FBF1: variants seen among roughly 807,000 people sequenced by gnomAD.
FBF1 encodes the protein fas-binding factor 1.
FBF1 carries 119 observed loss-of-function variants against 147.2 expected under a neutral mutation model. The ratio of observed to expected loss-of-function variants is 0.81; its 90% CI spans 0.70 to 0.94. The LOEUF (loss-of-function observed/expected upper bound fraction) is 0.94, where lower values mean the gene tolerates loss of function less well. Ranked by LOEUF, FBF1 falls within the 40% of genes least tolerant of loss-of-function variation. The pLI, the probability that FBF1 is intolerant of heterozygous loss-of-function variation, is 0.00. For missense variants in FBF1, 1,449 were observed against 1,500.8 expected (o/e 0.97, Z 0.57); for synonymous variants, 601 against 609.0 (o/e 0.99, Z 0.19).
intron 3 of FBF1, among the ~76,000 whole-genome samples, chr17:75,936,083 C>T (rs771531269): frequency 7.9e-5 from 12 of 152,072 alleles, no homozygotes; most frequent in Non-Finnish European, 1.2e-4. Context: ...GAGGCCAAGG[C>T]GGGTGGATCA....
chr17:75,919,723 C>T lies in FBF1; in HGVS notation c.2083G>A (p.Ala695Thr), dbSNP rs2065511691. The T allele has an allele frequency of 6.2e-7, 1 of 1,612,910 alleles. No individual in the cohort carries two copies. Among genetic ancestry groups the T allele is most frequent in the Admixed American group, 1.7e-5 (1 of 59,958 alleles). Residue 695 changes from alanine to threonine, a missense_variant, in exon 20 of 30, where the codon GCG (alanine) becomes ACG (threonine). By Grantham distance (58) the Ala-to-Thr change is moderately conservative. Transcript: ENST00000636174. This position sits in a 1 kb window ranked among gnomAD's most constrained non-coding sequence, Gnocchi z 5.0. Reference protein sequence around the residue: ...ELTAQHQRRLAAIAQEKDQEM... With the variant: ...ELTAQHQRRLTAIAQEKDQEM... ...TGGTCCTTCTCCTGCGCTATGGCCG[C>T]CAAGCGCCGCTGGTGCTGGGCCGTA...
intron 3 of FBF1, among the ~76,000 whole-genome samples, chr17:75,935,974 G>C (rs1330237712): frequency 6.6e-6 from 1 of 150,690 alleles, no homozygotes; most frequent in Non-Finnish European, 1.5e-5. Flanking sequence ...TCAGGAGTTC[G>C]AGACCAGCCT....
chr17:75,938,235 A>C lies in FBF1; in HGVS notation c.-83-3T>G. 1.3e-6 allele frequency: 2 copies of C among 1,579,540 alleles called. No homozygotes were observed. Among genetic ancestry groups the C allele is most frequent in the Non-Finnish European group, 1.7e-6 (2 of 1,154,482 alleles). On this transcript the variant is annotated splice_polypyrimidine_tract_variant and splice_region_variant and intron_variant, in intron 1 of 29. Transcript: ENST00000636174. ...TGCCCACATCAGGCTCATACTCCCT[A>C]ATGAAGAAAATTAAAGTGGTTGCTT... is the stretch of plus-strand genomic sequence containing the variant.
In FBF1 at chr17:75,922,338, A is replaced by C. The variant is rs1461957160; in HGVS notation, c.1425-292T>G. Among the ~76,000 whole-genome samples, 1 of 152,178 alleles carries C rather than the reference A, an allele frequency of 6.6e-6. No homozygotes were observed. The highest frequency in any genetic ancestry group is 1.5e-5 in the Non-Finnish European group (1 of 68,026). ...AGACACTGGAGTCAAGTTCAAGTTCAGAGCCCTGTTCCAGTCCACTTAACT... is the reference window on the plus strand; with the variant it reads ...AGACACTGGAGTCAAGTTCAAGTTCCGAGCCCTGTTCCAGTCCACTTAACT... On this transcript the variant is annotated intron_variant, in intron 14 of 29. Transcript: ENST00000636174. This position sits in a 1 kb window ranked among gnomAD's most constrained non-coding sequence, Gnocchi z 5.0.
intron 15 of FBF1, 93 bp from the exon 16 acceptor site, chr17:75,921,653 G>A (rs1306607283): frequency 1.3e-5 from 11 of 836,018 alleles, no homozygotes; most frequent in Admixed American, 4.3e-5. Flanking sequence ...ACATGGGGAC[G>A]GGGCAGGGTG....
Position 75,919,897 on chromosome 17 carries a change from T to C in FBF1, c.1932-23A>G, listed in dbSNP as rs2065513457. 2 of 1,613,502 alleles carry C rather than the reference T, an allele frequency of 1.2e-6. No homozygotes were observed. Among genetic ancestry groups the C allele is most frequent in the Non-Finnish European group, 1.7e-6 (2 of 1,179,802 alleles). Reference sequence around the variant, plus strand: ...CTTCTGCCAACAGAACACCCAGCCATGGCGCAAGGAAGGCAGAGGGCTGCC... The same window carrying C: ...CTTCTGCCAACAGAACACCCAGCCACGGCGCAAGGAAGGCAGAGGGCTGCC... On this transcript the variant is annotated intron_variant, in intron 19 of 29. Coordinates refer to ENST00000636174, the MANE Select transcript of FBF1 (RefSeq NM_001319193.2). The surrounding 1 kb of genome is among the most constrained non-coding windows in gnomAD (Gnocchi z 5.0).
At position 75,928,099 on chromosome 17, in the gene FBF1, A is replaced by G. The variant is rs369109025; in HGVS notation, c.374T>C (p.Leu125Pro). The change falls in exon 8 of 30, where the codon CTG becomes CCG. Residue 125 changes from leucine to proline, a missense_variant. Transcript: ENST00000636174. The surrounding 1 kb of genome is among the most constrained non-coding windows in gnomAD (Gnocchi z 4.2). ...KAAKDPGKGE[L>P]PNHPKPAGGA... ...ACCTGCAGGCTTGGGGTGGTTGGGC[A>G]GCTCTCCTTTCCCAGGGTCCTTTGC... The G allele has an allele frequency of 1.6e-5, 26 of 1,613,454 alleles. No homozygotes were observed. The highest frequency in any genetic ancestry group is 2.0e-5 in the Non-Finnish European group (24 of 1,179,872).
rs754132187 is a variant in FBF1 at position 75,938,066 on chromosome 17, T to C, written c.3+81A>G. On this transcript the variant is annotated intron_variant, in intron 2 of 29. Coordinates refer to ENST00000636174, the MANE Select transcript of FBF1 (RefSeq NM_001319193.2). ...TCCTTGCCGCCCAGCCCCCAGAGTG[T>C]TGCATGCAGTCAAGATCTTTGGGGA... 10 of 1,585,266 alleles carry C rather than the reference T, an allele frequency of 6.3e-6. No homozygotes were observed. In the South Asian group the frequency reaches 1.0e-4, roughly 16 times the overall value.
In FBF1 at chr17:75,931,580, T is replaced by C. The variant is rs376831849; in HGVS notation, c.168-291A>G. Among the ~76,000 whole-genome samples, 3 of 152,106 alleles carry C rather than the reference T, an allele frequency of 2.0e-5. No homozygotes were observed. In the East Asian group the frequency reaches 5.8e-4, roughly 29 times the overall value. On this transcript the variant is annotated intron_variant, in intron 5 of 29. Transcript: ENST00000636174. Reference sequence around the variant, plus strand: ...AGGTGGATCACTTGAGGTCAGGAGTTTGGGACCAACCTGGCCAACATGGTG... The same window carrying C: ...AGGTGGATCACTTGAGGTCAGGAGTCTGGGACCAACCTGGCCAACATGGTG...
In FBF1 at chr17:75,917,705, C is replaced by T. The variant is rs767541139; in HGVS notation, c.2505+27G>A. Reference sequence around the variant, plus strand: ...AGAAGAGGCCCCGTGGCAGGAGGGGCAGGAGGGCCAGGAGGACGGGCCTCA... The same window carrying T: ...AGAAGAGGCCCCGTGGCAGGAGGGGTAGGAGGGCCAGGAGGACGGGCCTCA... On this transcript the variant is annotated intron_variant, in intron 23 of 29. Coordinates refer to ENST00000636174, the MANE Select transcript of FBF1 (RefSeq NM_001319193.2). 10 of 1,537,756 alleles carry T rather than the reference C, an allele frequency of 6.5e-6. No homozygotes were observed. The Admixed American group carries it at 1.2e-4, about 18-fold the overall frequency.
chr17:75,932,153 G>C (rs1451536605), intron 5 of FBF1, among the ~76,000 whole-genome samples: 1 of 152,022 alleles, frequency 6.6e-6, no homozygotes, highest in Non-Finnish European at 1.5e-5. Context: ...GGCCAAGGTG[G>C]GCAGATCACC....
chr17:75,935,824 C>T (rs967400869), intron 3 of FBF1, among the ~76,000 whole-genome samples, 151 bp from the exon 4 acceptor site: 10 of 152,182 alleles, frequency 6.6e-5, no homozygotes, highest in African/African-American at 2.4e-4. Context: ...AGATGTTTTA[C>T]AAGTTTCTGG....
Position 75,926,384 on chromosome 17 carries a change from T to C in FBF1, c.638A>G (p.Lys213Arg). Residue 213 changes from lysine to arginine, a missense_variant, in exon 11 of 30, where the codon AAA becomes AGA. Physicochemically the swap from Lys to Arg is conservative, Grantham distance 26. Coordinates refer to ENST00000636174, the MANE Select transcript of FBF1 (RefSeq NM_001319193.2). ...ATCATCAAACAACAATTCTTCTTTTTTTCGGATGGGGGTGTCCCCAGGAGT... is the reference window on the plus strand; with the variant it reads ...ATCATCAAACAACAATTCTTCTTTTCTTCGGATGGGGGTGTCCCCAGGAGT... The part of the protein sequence containing the change: ...PLTPGDTPIR[K>R]KEELLFDDGD... 1 of 1,604,750 alleles carries C rather than the reference T, an allele frequency of 6.2e-7. No homozygotes were observed. The highest frequency in any genetic ancestry group is 8.5e-7 in the Non-Finnish European group (1 of 1,175,450).
Position 75,919,609 on chromosome 17 carries a change from G to A in FBF1, c.2138+59C>T. 1.3e-6 allele frequency: 2 copies of A among 1,527,534 alleles called. No individual in the cohort carries two copies. Among genetic ancestry groups the A allele is most frequent in the Non-Finnish European group, 8.8e-7 (1 of 1,133,930 alleles). The allele number at this position is 1,527,534 out of a possible 1,614,324, so 94.6% of individuals were successfully genotyped here. ...CACAGCGAAGGGTCTCGTGGGGATG[G>A]CTCTCTTCCGGCTACTCCTTGCAAG... On this transcript the variant is annotated intron_variant, in intron 20 of 29. Coordinates refer to ENST00000636174, the MANE Select transcript of FBF1 (RefSeq NM_001319193.2). This position sits in a 1 kb window ranked among gnomAD's most constrained non-coding sequence, Gnocchi z 5.0.
intron 23 of FBF1, among the ~76,000 whole-genome samples, chr17:75,915,623 ATCTC>A (rs1179018973): frequency 6.6e-6 from 1 of 152,242 alleles, no homozygotes; most frequent in African/African-American, 2.4e-5. Flanking sequence ...ACATAAAAGC[ATCTC>A]TATCTACGTT....
At chr17:75,937,081 C>A (rs74841832) in intron 3 of FBF1, among the ~76,000 whole-genome samples, 1 of 152,150 alleles carries the variant, frequency 6.6e-6, no homozygotes, top group East Asian at 1.9e-4. Flanking sequence ...ATCTTATTTA[C>A]GTCTGAACTT....
At chr17:75,935,484 G>C (rs2065618755) in intron 4 of FBF1, 148 bp downstream of exon 4, 3 of 755,164 alleles carry the variant, frequency 4.0e-6, no homozygotes, top group Non-Finnish European at 4.1e-6. Context: ...CGGGTGTAGT[G>C]GCTTATGCCT....
At chr17:75,937,683 G>A in intron 2 of FBF1, 90 bp from the exon 3 acceptor site, 1 of 1,380,914 alleles carries the variant, frequency 7.2e-7, no homozygotes, top group South Asian at 1.2e-5. Context: ...GTTGCCTTTT[G>A]CCAAGTAACC....
intron 29 of FBF1, among the ~76,000 whole-genome samples, chr17:75,911,797 C>T (rs2065458091): frequency 2.0e-5 from 3 of 152,130 alleles, no homozygotes; most frequent in Non-Finnish European, 2.9e-5. Flanking sequence ...AGGTGTGAGC[C>T]ACGCACCTGG....
Sources: allele counts gnomAD v4.1 joint callset (sites outside exome capture counted in the v4.1 genomes callset), GRCh38; gene constraint gnomAD v4.1.1; non-coding constraint Gnocchi (gnomAD v3.1); transcripts MANE v1.5; gene names NCBI Gene and HGNC (gene_info 2026-07-23, HGNC 2026-07-21).